The following LRRTM3 variants were observed in gnomAD, a reference collection of about 807,000 sequenced individuals.
LRRTM3 encodes the protein leucine-rich repeat transmembrane neuronal protein 3.
LRRTM3 carries 24 observed loss-of-function variants against 44.7 expected under a neutral mutation model. The observed-to-expected ratio is 0.54, with a 90% CI of 0.39 to 0.76. The LOEUF is 0.76. LRRTM3 is among the 30% of genes least tolerant of loss of function. LRRTM3 has a pLI of 0.00. For synonymous variants in LRRTM3, 277 were observed against 278.7 expected (o/e 0.99, Z 0.06); for missense variants, 587 against 702.2 (o/e 0.84, Z 1.85).
chr10:67,091,226 C>T (rs1857612469), intron 2 of LRRTM3, among the ~76,000 whole-genome samples: 1 of 151,846 alleles, frequency 6.6e-6, no homozygotes, highest in Admixed American at 6.6e-5. Flanking sequence ...ATAAATGAAA[C>T]AGATAGTAGA....
intron 2 of LRRTM3, among the ~76,000 whole-genome samples, chr10:67,016,233 C>T (rs1442468248): frequency 6.6e-6 from 1 of 152,142 alleles, no homozygotes; most frequent in Non-Finnish European, 1.5e-5. Flanking sequence ...CCAAGTAGTA[C>T]AATGGGGAGG....
intron 2 of LRRTM3, among the ~76,000 whole-genome samples, chr10:67,090,853 G>A (rs938861385): frequency 3.0e-4 from 46 of 151,932 alleles, no homozygotes; most frequent in Admixed American, 1.9e-3. Flanking sequence ...CATCTAGGCC[G>A]TCCCTGACAC....
intron 2 of LRRTM3, among the ~76,000 whole-genome samples, chr10:67,070,419 T>TC (rs1856374462): frequency 6.6e-6 from 1 of 152,126 alleles, no homozygotes; most frequent in African/African-American, 2.4e-5. Flanking sequence ...CCAATCTCTC[T>TC]CTATATATAT....
At chr10:66,994,327 C>T (rs1851208826) in intron 2 of LRRTM3, among the ~76,000 whole-genome samples, 4 of 152,204 alleles carry the variant, frequency 2.6e-5, no homozygotes. Context: ...TTGCTAATCA[C>T]ACCTTTAGCT....
chr10:67,038,331 A>G (rs1468689851), intron 2 of LRRTM3, among the ~76,000 whole-genome samples: 2 of 152,086 alleles, frequency 1.3e-5, no homozygotes, highest in African/African-American at 4.8e-5. Flanking sequence ...TGTGCTTTTA[A>G]TATTTTAGTT....
At chr10:67,034,148 A>C (rs900781527) in intron 2 of LRRTM3, among the ~76,000 whole-genome samples, 2 of 152,080 alleles carry the variant, frequency 1.3e-5, no homozygotes, top group African/African-American at 4.8e-5. Flanking sequence ...TAATTACCTA[A>C]CTAGTGCCAA....
At chr10:66,973,648 C>T (rs1005540045) in intron 2 of LRRTM3, among the ~76,000 whole-genome samples, 5 of 152,104 alleles carry the variant, frequency 3.3e-5, no homozygotes, top group Non-Finnish European at 5.9e-5. Context: ...TGTTTCAAGA[C>T]GGAGTCTCAC....
chr10:66,928,738 A>G (rs1294402130), intron 2 of LRRTM3, among the ~76,000 whole-genome samples: 2 of 152,228 alleles, frequency 1.3e-5, no homozygotes, highest in Non-Finnish European at 2.9e-5. Context: ...TGATTCCATT[A>G]ATGTCGCATT....
At chr10:66,951,054 C>T (rs1164842891) in intron 2 of LRRTM3, among the ~76,000 whole-genome samples, 3 of 151,472 alleles carry the variant, frequency 2.0e-5, no homozygotes, top group African/African-American at 7.3e-5. Flanking sequence ...GTATTTATCA[C>T]AAGGCTATTG....
intron 2 of LRRTM3, among the ~76,000 whole-genome samples, chr10:67,029,095 G>A (rs1853567811): frequency 6.6e-6 from 1 of 152,134 alleles, no homozygotes. Flanking sequence ...CAAAAGGTGT[G>A]CTTTGCTGAT....
chr10:66,965,990 T>A (rs911247556), intron 2 of LRRTM3, among the ~76,000 whole-genome samples: 4 of 152,190 alleles, frequency 2.6e-5, no homozygotes, highest in Admixed American at 2.6e-4. Flanking sequence ...CTCAGTACCA[T>A]AAAGGCAGTG....
intron 2 of LRRTM3, among the ~76,000 whole-genome samples, chr10:67,074,342 CTTTTTTTTT>C (rs36186252): frequency 1.2e-4 from 8 of 68,726 alleles, no homozygotes; most frequent in African/African-American, 2.1e-4. Context: ...CACTTTAACT[CTTTTTTTTT>C]TTTTTTTTTT....
intron 2 of LRRTM3, among the ~76,000 whole-genome samples, chr10:66,943,104 T>C (rs1352140791): frequency 2.0e-5 from 3 of 152,190 alleles, no homozygotes; most frequent in Non-Finnish European, 4.4e-5. Flanking sequence ...TCACAAAGCA[T>C]TGGATTTTCT....
Position 66,928,037 on chromosome 10 carries a change from C to T in LRRTM3, c.1121C>T (p.Ala374Val). ...ACAGAGAGGTTTGATCTGGCCAGGGCTCTCCCAAAGCCGACGTTTAAGCCC... is the reference window on the plus strand; with the variant it reads ...ACAGAGAGGTTTGATCTGGCCAGGGTTCTCCCAAAGCCGACGTTTAAGCCC... ...STTERFDLARALPKPTFKPKL... is the reference protein window; with the variant it reads ...STTERFDLARVLPKPTFKPKL... The change falls in exon 2 of 3, where the codon GCT becomes GTT. Residue 374 changes from alanine (A) to valine (V), a missense_variant. Coordinates refer to ENST00000361320, the MANE Select transcript of LRRTM3 (RefSeq NM_178011.5). The T allele has an allele frequency of 1.1e-5, 17 of 1,614,100 alleles. No homozygotes were observed. The highest frequency in any genetic ancestry group is 1.4e-5 in the Non-Finnish European group (17 of 1,180,040).
intron 2 of LRRTM3, among the ~76,000 whole-genome samples, chr10:67,009,882 A>C (rs757001176): frequency 3.9e-5 from 6 of 152,100 alleles, no homozygotes; most frequent in Admixed American, 3.3e-4. Context: ...GTTTGTACGT[A>C]CTGTCTCTTC....
intron 2 of LRRTM3, among the ~76,000 whole-genome samples, chr10:67,062,572 A>G (rs115458716): frequency 0.012 from 1,825 of 152,208 alleles, 43 homozygotes; most frequent in African/African-American, 0.041. Context: ...AGGCAAACTT[A>G]GAACACAAAA....
At chr10:66,929,363 G>A (rs1847244103) in intron 2 of LRRTM3, among the ~76,000 whole-genome samples, 1 of 152,204 alleles carries the variant, frequency 6.6e-6, no homozygotes, top group African/African-American at 2.4e-5. Flanking sequence ...GAGCTTACCA[G>A]AATTTCTCTT....
intron 2 of LRRTM3, among the ~76,000 whole-genome samples, chr10:67,067,954 T>C (rs957432068): frequency 3.3e-5 from 5 of 152,212 alleles, no homozygotes; most frequent in Non-Finnish European, 7.3e-5. Context: ...AGGTTTGTCC[T>C]GGCTTCACAG....
chr10:67,004,985 A>G (rs1851887481), intron 2 of LRRTM3, among the ~76,000 whole-genome samples: 1 of 152,168 alleles, frequency 6.6e-6, no homozygotes, highest in Non-Finnish European at 1.5e-5. Context: ...TGAATTTGTT[A>G]CTATTTACTC....
Sources: gnomAD v4.1 joint callset for allele counts (sites outside exome capture counted in the v4.1 genomes callset) on GRCh38, gnomAD v4.1.1 for gene constraint, MANE v1.5 for transcripts, NCBI Gene and HGNC (gene_info 2026-07-23, HGNC 2026-07-21) for gene names.